HAVCR1: variants seen among roughly 807,000 people sequenced by gnomAD.
The protein encoded by HAVCR1 is hepatitis A virus cellular receptor 1.
A neutral mutation model predicts 32.0 loss-of-function variants in HAVCR1; 34 were observed. The observed-to-expected ratio is 1.06, with a 90% CI of 0.81 to 1.42. The LOEUF is 1.42. Ranked by LOEUF, HAVCR1 falls within the 40% of genes most tolerant of loss-of-function variation. HAVCR1 has a pLI of 0.00. For missense variants in HAVCR1, 420 were observed against 442.3 expected, an observed-to-expected ratio of 0.95 and a Z score of 0.45; for synonymous variants, 178 against 170.3, an observed-to-expected ratio of 1.05 and a Z score of -0.35.
rs754029647 is a variant in HAVCR1, at chr5:157,055,222, C to T, written c.358G>A (p.Val120Ile). 16 of 1,549,912 alleles carry T rather than the reference C, an allele frequency of 1.0e-5. No homozygotes were observed. Among genetic ancestry groups the T allele is most frequent in the African/African-American group, 6.8e-5 (5 of 73,602 alleles). The change falls in exon 3 of 9, where the codon GTA becomes ATA. Residue 120 changes from valine (V) to isoleucine (I), a missense_variant. Physicochemically the swap from Val to Ile is conservative, Grantham distance 29. Transcript: ENST00000523175. ...RGWFNDMKIT[V>I]SLEIVPPKVT... is the part of the protein sequence containing the mutation. ...TTACGTGGCACAATCTCCAATGATACGGTGATTTTCATGTCATTGAACCAC... is the reference window on the plus strand; with the variant it reads ...TTACGTGGCACAATCTCCAATGATATGGTGATTTTCATGTCATTGAACCAC...
rs1561591499 is a variant in HAVCR1 at position 157,044,649 on chromosome 5, G to GAAAGAAAGAAAGAA, written c.782-1981_782-1968dup. Among the ~76,000 whole-genome samples the GAAAGAAAGAAAGAA allele has an allele frequency of 1.4e-4, 17 of 117,562 alleles. No homozygotes were observed. In the East Asian group the frequency reaches 2.3e-3, roughly 16 times the overall value. 77.1% of individuals were successfully genotyped at this position (117,562 alleles called of 152,430 possible). A position where few individuals can be genotyped will look rare whatever the true frequency, so the allele number is the denominator to read the frequency against. ...AGAAAGAAAGAAAGAAAGAAAGAAA[G>GAAAGAAAGAAAGAA]AAAGAAAGAAAGAAAGAAAGAAAGA... is the stretch of plus-strand genomic sequence containing the variant. On this transcript the variant is annotated intron_variant, in intron 5 of 8. Transcript: ENST00000523175.
At chr5:157,057,391 GAAA>G (rs1561605921) in intron 2 of HAVCR1, among the ~76,000 whole-genome samples, 810 of 10,498 alleles carry the variant, frequency 0.077, 30 homozygotes, top group Middle Eastern at 0.25. Context: ...AGAGAGGAAA[GAAA>G]GAAAGAAAGA....
intron 5 of HAVCR1, among the ~76,000 whole-genome samples, chr5:157,044,503 G>A (rs371166822): frequency 2.7e-5 from 3 of 109,834 alleles, no homozygotes; most frequent in Non-Finnish European, 5.7e-5. Flanking sequence ...AAGGAAGGAA[G>A]GAAGGAGGAA....
At chr5:157,057,817 C>T in intron 2 of HAVCR1, 81 bp downstream of exon 2, 1 of 993,324 alleles carries the variant, frequency 1.0e-6, no homozygotes, top group East Asian at 2.4e-5. Context: ...ACCACCATCC[C>T]CTCCCCTTCC....
intron 8 of HAVCR1, 29 bp from the exon 9 acceptor site, chr5:157,029,870 T>C (rs368598624): frequency 1.9e-6 from 3 of 1,596,406 alleles, no homozygotes; most frequent in Non-Finnish European, 2.6e-6. Context: ...AAGAATAACA[T>C]GAGTAAGAAA....
rs200556401 is a variant in HAVCR1, at chr5:157,037,296, A to G, written c.903T>C (p.Cys301=). The G allele has an allele frequency of 4.4e-6, 7 of 1,608,002 alleles. No individual in the cohort carries two copies. The highest frequency in any genetic ancestry group is 1.3e-5 in the African/African-American group (1 of 74,824). ...NTTKGIYAGV[C]ISVLVLLALL... ...GAGCAAGAAGCACCAAGACAGAAAT[A>G]CAGACTCCAGCATAGATTCCTTTAG... Residue 301 remains cysteine (C), a synonymous_variant, in exon 7 of 9, where the codon TGT becomes TGC. Transcript: ENST00000523175.
chr5:157,059,771 G>C (rs1179204019), upstream of HAVCR1, among the ~76,000 whole-genome samples: 2 of 152,210 alleles, frequency 1.3e-5, no homozygotes, highest in Non-Finnish European at 2.9e-5. Flanking sequence ...ATCACCTGAG[G>C]TAAGGAGTTT....
At chr5:157,064,957 G>A in the HAVCR1 span, among the ~76,000 whole-genome samples, 2 of 152,198 alleles carry the variant, frequency 1.3e-5, no homozygotes, top group Non-Finnish European at 2.9e-5. Flanking sequence ...AGTTTGACAT[G>A]TCTTAGACCT....
At chr5:157,066,946 C>A in the HAVCR1 span, among the ~76,000 whole-genome samples, 2 of 152,042 alleles carry the variant, frequency 1.3e-5, no homozygotes, top group South Asian at 2.1e-4. Context: ...ATTAGCCGGG[C>A]GTGGTGGTAC....
chr5:157,042,211 G>A (rs886607640), intron 6 of HAVCR1, among the ~76,000 whole-genome samples: 1 of 151,976 alleles, frequency 6.6e-6, no homozygotes, highest in Non-Finnish European at 1.5e-5. Context: ...AGCATCCCGA[G>A]GCGGGCGGAT....
chr5:157,058,173 T>C, intron 1 of HAVCR1: 1 of 518,572 alleles, frequency 1.9e-6, no homozygotes, highest in Non-Finnish European at 3.5e-6. Flanking sequence ...CAGGGAAAGC[T>C]GTCCACAGAA....
chr5:157,043,572 G>A (rs899858403), intron 5 of HAVCR1, among the ~76,000 whole-genome samples: 2 of 152,208 alleles, frequency 1.3e-5, no homozygotes, highest in African/African-American at 4.8e-5. Flanking sequence ...GGATGGCTGA[G>A]GTAGGAGAAT....
chr5:157,060,655 C>T (rs539737744), upstream of HAVCR1, among the ~76,000 whole-genome samples: 93 of 152,108 alleles, frequency 6.1e-4, no homozygotes, highest in African/African-American at 2.0e-3. Flanking sequence ...ATTCTGGTAA[C>T]GGAGTTATTC....
At chr5:157,040,755 C>A (rs1476925297) in intron 6 of HAVCR1, among the ~76,000 whole-genome samples, 2 of 152,076 alleles carry the variant, frequency 1.3e-5, no homozygotes, top group Non-Finnish European at 2.9e-5. Context: ...CAAAAACTAG[C>A]CAGGCATGGT....
upstream of HAVCR1, among the ~76,000 whole-genome samples, chr5:157,060,218 AAATAATAAT>A (rs200229739): frequency 2.0e-5 from 3 of 150,752 alleles, no homozygotes; most frequent in African/African-American, 7.3e-5. Context: ...TCTCTCAGAA[AAATAATAAT>A]AATAATAATA....
At chr5:157,050,820 G>A (rs17573010) in intron 4 of HAVCR1, among the ~76,000 whole-genome samples, 4,502 of 152,264 alleles carry the variant, frequency 0.03, 104 homozygotes, top group Admixed American at 0.045. Flanking sequence ...AAAATCCCAG[G>A]TATGACCTAA....
At position 157,032,900 on chromosome 5, in the gene HAVCR1, G is replaced by T; in HGVS notation, c.953-13C>A. 1.3e-6 allele frequency: 2 copies of T among 1,532,380 alleles called. No individual in the cohort carries two copies. Among genetic ancestry groups the T allele is most frequent in the African/African-American group, 1.4e-5 (1 of 72,186 alleles). 94.9% of individuals were successfully genotyped at this position (1,532,380 alleles called of 1,614,324 possible). A position where few individuals can be genotyped will look rare whatever the true frequency, so the allele number is the denominator to read the frequency against. ...TTGAAGAAATACTCTAAATTGAAGGGGTGGGGAGAGAGGAGTTGAAGAGAA... is the reference window on the plus strand; with the variant it reads ...TTGAAGAAATACTCTAAATTGAAGGTGTGGGGAGAGAGGAGTTGAAGAGAA... On this transcript the variant is annotated splice_polypyrimidine_tract_variant and intron_variant, in intron 7 of 8. Coordinates refer to ENST00000523175, the MANE Select transcript of HAVCR1 (RefSeq NM_001173393.3).
intron 5 of HAVCR1, among the ~76,000 whole-genome samples, chr5:157,044,985 A>G (rs1263154862): frequency 1.3e-5 from 2 of 151,958 alleles, no homozygotes; most frequent in Non-Finnish European, 2.9e-5. Context: ...GTGTGTGTGT[A>G]TACAGTAGTG....
At chr5:157,066,206 C>T in the HAVCR1 span, among the ~76,000 whole-genome samples, 1 of 151,978 alleles carries the variant, frequency 6.6e-6, no homozygotes, top group East Asian at 1.9e-4. Context: ...GAGTCAAATG[C>T]TGCAAAGGAA....
Sources: allele counts gnomAD v4.1 joint callset (sites outside exome capture counted in the v4.1 genomes callset), GRCh38; gene constraint gnomAD v4.1.1; transcripts MANE v1.5; gene names NCBI Gene and HGNC (gene_info 2026-07-23, HGNC 2026-07-21).